LRRK2: variants seen among roughly 807,000 people sequenced by gnomAD.
The protein encoded by LRRK2 is leucine-rich repeat serine/threonine-protein kinase 2.
In LRRK2, 203 loss-of-function variants were observed where a neutral mutation model predicts 302.6. The ratio of observed to expected loss-of-function variants is 0.67; its 90% CI spans 0.60 to 0.75. The LOEUF is 0.75. Among genes scored for constraint, LRRK2 ranks in the 30% least tolerant of loss-of-function variants. The pLI is 0.00. For missense variants in LRRK2, 2,830 were observed against 2,951.0 expected (o/e 0.96, Z 0.95); for synonymous variants, 1,066 against 1,031.9 (o/e 1.03, Z -0.63).
chr12:40,308,672 G>A lies in LRRK2; in HGVS notation c.4165G>A (p.Val1389Ile), dbSNP rs140743795. 182 of 1,613,646 alleles carry A rather than the reference G, an allele frequency of 1.1e-4. No individual in the cohort carries two copies. Among genetic ancestry groups the A allele is most frequent in the Non-Finnish European group, 1.3e-4 (151 of 1,179,844 alleles). The change falls in exon 29 of 51, where the codon GTC becomes ATC. Residue 1389 changes from valine (V) to isoleucine (I), a missense_variant. This residue lies in a region of LRRK2 where 2,121 missense variants were observed against 2,148.0 expected (regional missense o/e 0.99). Coordinates refer to ENST00000298910, the MANE Select transcript of LRRK2 (RefSeq NM_198578.4). ...AAGAGACAAAAGAAAGAGAGATCTC[G>A]TCCTAAATGTGTGGGATTTTGCAGG... The part of the protein sequence containing the change: ...QIRDKRKRDL[V>I]LNVWDFAGRE...
chr12:40,239,037 A>G (rs1461597532), intron 5 of LRRK2, among the ~76,000 whole-genome samples: 3 of 152,190 alleles, frequency 2.0e-5, no homozygotes, highest in Non-Finnish European at 2.9e-5. Flanking sequence ...TTTGCTTCCT[A>G]TCTGACAAAG....
intron 2 of LRRK2, among the ~76,000 whole-genome samples, chr12:40,228,433 CTTTTTTTT>C (rs35333613): frequency 4.1e-4 from 8 of 19,316 alleles, no homozygotes; most frequent in African/African-American, 5.0e-4. Flanking sequence ...AAAAATAAGA[CTTTTTTTT>C]TTTTTTTTTT....
At chr12:40,357,027 C>A (rs555899604) in intron 46 of LRRK2, among the ~76,000 whole-genome samples, 2 of 151,972 alleles carry the variant, frequency 1.3e-5, no homozygotes, top group Non-Finnish European at 2.9e-5. Flanking sequence ...GAACTTATTC[C>A]TCCTATCTAA....
rs1269570956 is a variant in LRRK2, at chr12:40,249,926, C to T, written c.939C>T (p.Leu313=). The T allele has an allele frequency of 6.2e-7, 1 of 1,613,784 alleles. No individual in the cohort carries two copies. The highest frequency in any genetic ancestry group is 8.5e-7 in the Non-Finnish European group (1 of 1,179,808). ...PENAALQISA[L]SCLALLTETI... ...ATGCAGCATTGCAGATCTCAGCGCT[C>T]AGCTGTTTGGCCCTCCTCAGTAAGT... The change falls in exon 8 of 51, where the codon CTC becomes CTT. Residue 313 remains leucine (L), a synonymous_variant. Coordinates refer to ENST00000298910, the MANE Select transcript of LRRK2 (RefSeq NM_198578.4).
In LRRK2 at chr12:40,295,430, C is replaced by A; in HGVS notation, c.2882C>A (p.Ser961Ter). 6.2e-7 allele frequency: 1 copy of A among 1,611,584 alleles called. No individual in the cohort carries two copies. The highest frequency in any genetic ancestry group is 1.1e-5 in the South Asian group (1 of 91,040). ...GTTTGTTTGTTTTTGACAAAAGGGTCATCAAAACTTCAATCCCATATGAGG... is the reference window on the plus strand; with the variant it reads ...GTTTGTTTGTTTTTGACAAAAGGGTAATCAAAACTTCAATCCCATATGAGG... Reference protein sequence around the residue: ...KILSSDDSLRSSKLQSHMRHS... With the variant: ...KILSSDDSLR Residue 961 changes from serine to a stop codon, truncating the protein, a stop_gained, in exon 23 of 51, where the codon TCA (serine) becomes TAA (stop). Transcript: ENST00000298910. LOFTEE classifies it high-confidence loss of function.
At chr12:40,326,676 C>T (rs1157618427) in intron 38 of LRRK2, among the ~76,000 whole-genome samples, 1 of 152,062 alleles carries the variant, frequency 6.6e-6, no homozygotes, top group Admixed American at 6.6e-5. Context: ...CCTTCCCCCT[C>T]TACTTGCTTT....
chr12:40,302,504 T>A (rs1278318627), intron 25 of LRRK2, among the ~76,000 whole-genome samples: 1 of 152,154 alleles, frequency 6.6e-6, no homozygotes, highest in Non-Finnish European at 1.5e-5. Flanking sequence ...AAATGAATAT[T>A]CTAGGAATTT....
chr12:40,327,098 G>C (rs1196585901), intron 38 of LRRK2, among the ~76,000 whole-genome samples: 1 of 152,106 alleles, frequency 6.6e-6, no homozygotes, highest in Non-Finnish European at 1.5e-5. Flanking sequence ...TACATTTCAA[G>C]GCACTATATG....
intron 24 of LRRK2, among the ~76,000 whole-genome samples, chr12:40,298,811 ATAATATATAATACATATAT>A (rs1944494219): frequency 9.2e-6 from 1 of 108,278 alleles, no homozygotes; most frequent in African/African-American, 3.4e-5. Context: ...TATATGTATT[ATAATATATAATACATATAT>A]TATATATATT....
At chr12:40,352,893 G>A (rs1946399705) in intron 44 of LRRK2, among the ~76,000 whole-genome samples, 1 of 152,314 alleles carries the variant, frequency 6.6e-6, no homozygotes, top group South Asian at 2.1e-4. Context: ...TCTGATTTCT[G>A]TATCTTTTCC....
chr12:40,293,914 T>TATATATATATATATATATATATATA (rs1944267544), intron 21 of LRRK2, among the ~76,000 whole-genome samples: 1 of 150,858 alleles, frequency 6.6e-6, no homozygotes, highest in East Asian at 1.9e-4. Context: ...TATATATATA[T>TATATATATATATATATATATATATA]ACTTACAGTA....
chr12:40,308,057 G>A (rs2136810947), intron 28 of LRRK2, among the ~76,000 whole-genome samples: 1 of 151,982 alleles, frequency 6.6e-6, no homozygotes, highest in East Asian at 1.9e-4. Flanking sequence ...AGGGATTACA[G>A]GTGCGAGCCA....
At chr12:40,309,612 G>A (rs1944968929) in intron 30 of LRRK2, among the ~76,000 whole-genome samples, 1 of 151,710 alleles carries the variant, frequency 6.6e-6, no homozygotes, top group Non-Finnish European at 1.5e-5. Flanking sequence ...TTGTACTCAG[G>A]GGCCATTTAG....
At chr12:40,303,100 C>T (rs1003822270) in intron 26 of LRRK2, among the ~76,000 whole-genome samples, 1 of 152,030 alleles carries the variant, frequency 6.6e-6, no homozygotes, top group African/African-American at 2.4e-5. Flanking sequence ...GTAAAAACAA[C>T]TTAAGATTGT....
At position 40,315,298 on chromosome 12, in the gene LRRK2, C is replaced by A. The variant is rs200841263; in HGVS notation, c.4825C>A (p.Gln1609Lys). The change falls in exon 33 of 51, where the codon CAG becomes AAG. Residue 1609 changes from glutamine (Q) to lysine (K), a missense_variant and splice_region_variant. By Grantham distance (53) the Gln-to-Lys change is moderately conservative (BLOSUM62 1). Transcript: ENST00000298910. ...EPKWLCKIMA[Q>K]ILTVKVEGCP... ...CAAGTGGCTTTGTAAAATCATGGCACAGGTTGGTGTCTTTTATTTTTGTGG... is the reference window on the plus strand; with the variant it reads ...CAAGTGGCTTTGTAAAATCATGGCAAAGGTTGGTGTCTTTTATTTTTGTGG... 8.1e-6 allele frequency: 13 copies of A among 1,611,100 alleles called. No homozygotes were observed. Among genetic ancestry groups the A allele is most frequent in the Non-Finnish European group, 1.0e-5 (12 of 1,177,636 alleles).
intron 45 of LRRK2, among the ~76,000 whole-genome samples, chr12:40,355,111 C>A (rs2137009526): frequency 6.6e-6 from 1 of 152,126 alleles, no homozygotes; most frequent in Non-Finnish European, 1.5e-5. Flanking sequence ...CTATATATTT[C>A]TCTGGTTTAA....
At position 40,257,300 on chromosome 12, in the gene LRRK2, G is replaced by A. The variant is rs975786488; in HGVS notation, c.1341G>A (p.Glu447=). The part of the protein sequence containing the change: ...LSKGIHLNVL[E]LMQKHIHSPE... ...AAGGAATACACCTGAATGTTTTGGA[G>A]TTAATGCAGAAGCATATACATTCTC... Residue 447 remains glutamate (E), a synonymous_variant, in exon 12 of 51, where the codon GAG becomes GAA. Transcript: ENST00000298910. 1.2e-6 allele frequency: 2 copies of A among 1,605,608 alleles called. No homozygotes were observed. The highest frequency in any genetic ancestry group is 1.7e-6 in the Non-Finnish European group (2 of 1,172,540).
At chr12:40,249,996 A>G (rs747628400) in intron 8 of LRRK2, 51 bp downstream of exon 8, 1 of 1,604,022 alleles carries the variant, frequency 6.2e-7, no homozygotes, top group Non-Finnish European at 8.5e-7. Context: ...TTGACATCAA[A>G]TATGAACATT....
intron 12 of LRRK2, among the ~76,000 whole-genome samples, chr12:40,258,373 GTGT>G (rs894301527): frequency 3.3e-5 from 5 of 152,162 alleles, no homozygotes; most frequent in Non-Finnish European, 4.4e-5. Context: ...TCTTATTTAA[GTGT>G]TGTTTTTGAA....
Sources: gnomAD v4.1 joint callset for allele counts (sites outside exome capture counted in the v4.1 genomes callset) on GRCh38, gnomAD v4.1.1 for gene constraint, gnomAD v4.1.1 regional missense constraint, MANE v1.5 for transcripts, NCBI Gene and HGNC (gene_info 2026-07-23, HGNC 2026-07-21) for gene names.